The following SCYL2 variants were observed in gnomAD, a reference collection of about 807,000 sequenced individuals.
SCYL2 encodes SCY1 like pseudokinase 2, also known as SCY1-like protein 2.
In SCYL2, 36 loss-of-function variants were observed where a neutral mutation model predicts 100.4. The observed-to-expected ratio is 0.36, with a 90% CI of 0.27 to 0.47. The LOEUF is 0.47. SCYL2 is among the 20% of genes least tolerant of loss of function. The pLI, the probability that SCYL2 is intolerant of heterozygous loss-of-function variation, is 1.00. For missense variants in SCYL2, 902 were observed against 1,083.9 expected, an observed-to-expected ratio of 0.83 and a Z score of 2.36; for synonymous variants, 330 against 359.2, an observed-to-expected ratio of 0.92 and a Z score of 0.92.
chr12:100,282,226 C>T (rs373511365), intron 1 of SCYL2, among the ~76,000 whole-genome samples: 7,609 of 122,166 alleles, frequency 0.062, 641 homozygotes, highest in Middle Eastern at 0.097. Flanking sequence ...TTTTTCGCCA[C>T]ATTGGCCAGA....
At chr12:100,311,216 A>G (rs1182786948) in intron 5 of SCYL2, 23 bp downstream of exon 5, 5 of 1,574,004 alleles carry the variant, frequency 3.2e-6, no homozygotes, top group Non-Finnish European at 4.3e-6. Flanking sequence ...TTAGTCTTCT[A>G]ATTTTTGAGG....
chr12:100,276,053 A>G (rs1354238052), intron 1 of SCYL2, among the ~76,000 whole-genome samples: 2 of 152,184 alleles, frequency 1.3e-5, no homozygotes, highest in Non-Finnish European at 2.9e-5. Context: ...TGATGTTCTA[A>G]TATCTTAAGG....
intron 10 of SCYL2, among the ~76,000 whole-genome samples, chr12:100,322,154 C>T (rs1255099091): frequency 1.3e-5 from 2 of 150,986 alleles, no homozygotes; most frequent in African/African-American, 2.4e-5. Context: ...GGGCAGATCA[C>T]GAGGTCAGGA....
Position 100,315,615 on chromosome 12 carries a change from A to G in SCYL2, c.1153A>G (p.Met385Val), listed in dbSNP as rs748912912. 2.5e-6 allele frequency: 4 copies of G among 1,611,746 alleles called. No individual in the cohort carries two copies. Among genetic ancestry groups the G allele is most frequent in the Admixed American group, 3.3e-5 (2 of 59,998 alleles). Residue 385 changes from methionine (M) to valine (V), a missense_variant, in exon 9 of 18, where the codon ATG becomes GTG. Physicochemically the swap from Met to Val is conservative, Grantham distance 21. Transcript: ENST00000360820. The stretch of plus-strand genomic sequence containing the variant: ...GACTTCAGAATTTGTAAACCCTGAC[A>G]TGGTACCTTTTGTTTTGCCCAATGT... ...CLTSEFVNPD[M>V]VPFVLPNVLL...
chr12:100,289,057 T>TA (rs1483510173), intron 2 of SCYL2, among the ~76,000 whole-genome samples: 4 of 152,108 alleles, frequency 2.6e-5, no homozygotes, highest in Admixed American at 6.5e-5. Flanking sequence ...GCAGAAGACT[T>TA]ACTAAAATAA....
At chr12:100,282,700 T>G (rs2096300235) in intron 1 of SCYL2, among the ~76,000 whole-genome samples, 1 of 152,144 alleles carries the variant, frequency 6.6e-6, no homozygotes, top group Non-Finnish European at 1.5e-5. Context: ...CATTGTCAAG[T>G]GTGAGTATAT....
chr12:100,336,003 A>G, intron 16 of SCYL2, 97 bp downstream of exon 16: 1 of 824,190 alleles, frequency 1.2e-6, no homozygotes, highest in South Asian at 1.6e-5. Flanking sequence ...TCAGCAGCTT[A>G]ACAAGAAACA....
intron 11 of SCYL2, 39 bp from the exon 12 acceptor site, chr12:100,326,583 A>G (rs1190576719): frequency 8.9e-6 from 13 of 1,459,920 alleles, no homozygotes; most frequent in Non-Finnish European, 1.2e-5. Flanking sequence ...TAGATTTTGA[A>G]AACTTTTAAT....
intron 3 of SCYL2, among the ~76,000 whole-genome samples, chr12:100,292,960 T>C (rs2096312349): frequency 6.6e-6 from 1 of 151,198 alleles, no homozygotes; most frequent in African/African-American, 2.4e-5. Flanking sequence ...CTACTACAAG[T>C]GTGTGCTACC....
chr12:100,314,648 G>A, intron 8 of SCYL2, 34 bp downstream of exon 8: 5 of 1,551,840 alleles, frequency 3.2e-6, no homozygotes, highest in Non-Finnish European at 4.4e-6. Context: ...TAATAATCAG[G>A]ATTTTAGAAG....
Position 100,317,925 on chromosome 12 carries a change from G to A in SCYL2, c.1395G>A (p.Gln465=). The change falls in exon 10 of 18, where the codon CAG becomes CAA. Residue 465 remains glutamine, a splice_region_variant and synonymous_variant. Coordinates refer to ENST00000360820, the MANE Select transcript of SCYL2 (RefSeq NM_017988.6). ...RALEAPSIQI[Q]ELCLNIIPTF... ...TAGAAGCTCCTTCCATTCAGATCCA[G>A]GTACAGTATCTGATTTGTTTTTCTT... 9 of 1,552,654 alleles carry A rather than the reference G, an allele frequency of 5.8e-6. No individual in the cohort carries two copies. The highest frequency in any genetic ancestry group is 7.8e-6 in the Non-Finnish European group (9 of 1,159,560).
At chr12:100,298,944 T>C (rs2096324239) in intron 4 of SCYL2, among the ~76,000 whole-genome samples, 1 of 152,142 alleles carries the variant, frequency 6.6e-6, no homozygotes, top group South Asian at 2.1e-4. Flanking sequence ...AATAATATCC[T>C]GACAGCTGAC....
At chr12:100,307,808 C>A (rs1043401722) in intron 4 of SCYL2, among the ~76,000 whole-genome samples, 5 of 152,026 alleles carry the variant, frequency 3.3e-5, no homozygotes, top group African/African-American at 9.7e-5. Flanking sequence ...GAAAAAACAA[C>A]CCCATCAAAA....
intron 1 of SCYL2, among the ~76,000 whole-genome samples, chr12:100,269,335 A>G (rs1020874307): frequency 6.6e-6 from 1 of 151,710 alleles, no homozygotes; most frequent in African/African-American, 2.4e-5. Context: ...TTCTTTTTTT[A>G]GCCAATTATG....
chr12:100,314,394 C>CT (rs1438506408), intron 7 of SCYL2, 95 bp from the exon 8 acceptor site: 25 of 854,200 alleles, frequency 2.9e-5, no homozygotes, highest in Non-Finnish European at 4.5e-5. Flanking sequence ...CTAAATGTTT[C>CT]TGAGTATTTT....
intron 4 of SCYL2, among the ~76,000 whole-genome samples, chr12:100,306,472 C>A (rs2096334555): frequency 6.6e-6 from 1 of 152,164 alleles, no homozygotes. Context: ...GCTAAAAACT[C>A]TCAATAAACT....
At chr12:100,313,023 G>T (rs1230375358) in intron 6 of SCYL2, among the ~76,000 whole-genome samples, 1 of 152,204 alleles carries the variant, frequency 6.6e-6, no homozygotes, top group African/African-American at 2.4e-5. Context: ...TACTTGGAAG[G>T]CCGATCAGGG....
In SCYL2 at chr12:100,329,276, A is replaced by G; in HGVS notation, c.1718A>G (p.His573Arg). The G allele has an allele frequency of 1.9e-6, 3 of 1,605,224 alleles. No homozygotes were observed. The highest frequency in any genetic ancestry group is 2.6e-6 in the Non-Finnish European group (3 of 1,172,158). ...KEQLAGKVLP[H>R]LIPLSIENNL... ...CAGCTGGCCGGAAAAGTGTTGCCTC[A>G]TCTTATTCCCCTGAGTATTGAAAAC... The change falls in exon 13 of 18, where the codon CAT becomes CGT. Residue 573 changes from histidine (H) to arginine (R), a missense_variant. His to Arg is a conservative substitution (Grantham distance 29). Transcript: ENST00000360820.
At chr12:100,308,654 C>A (rs1041217974) in intron 4 of SCYL2, among the ~76,000 whole-genome samples, 1 of 152,066 alleles carries the variant, frequency 6.6e-6, no homozygotes, top group Admixed American at 6.6e-5. Flanking sequence ...ACAACAACAA[C>A]AAAAAAGAAA....
Sources: gnomAD v4.1 joint callset for allele counts (sites outside exome capture counted in the v4.1 genomes callset) on GRCh38, gnomAD v4.1.1 for gene constraint, MANE v1.5 for transcripts, NCBI Gene and HGNC (gene_info 2026-07-23, HGNC 2026-07-21) for gene names.